Variants in CRYAA observed in about 807,000 individuals in gnomAD.
CRYAA encodes the protein crystallin alpha A.
In CRYAA, 2 loss-of-function variants were observed where a neutral mutation model predicts 3.5. The ratio of observed to expected loss-of-function variants is 0.57; its 90% CI spans 0.23 to 1.80. CRYAA has a LOEUF of 1.80. CRYAA is among the 40% of genes most tolerant of loss of function. The pLI, the probability that CRYAA is intolerant of heterozygous loss-of-function variation, is 0.18. For synonymous variants in CRYAA, 3 were observed against 26.7 expected (o/e 0.11, Z 2.73); for missense variants, 8 against 60.0 (o/e 0.13, Z 2.86).
intron 1 of CRYAA, chr21:43,169,642 C>T: frequency 2.3e-6 from 1 of 439,896 alleles, no homozygotes; most frequent in East Asian, 3.0e-5. Flanking sequence ...TTCCTCTGGT[C>T]TCCTGAGTCC....
chr21:43,169,632 T>C, intron 1 of CRYAA: 1 of 426,212 alleles, frequency 2.3e-6, no homozygotes, highest in South Asian at 2.0e-5. Flanking sequence ...AGCTCCCGGG[T>C]TCCTCTGGTC....
chr21:43,169,653 C>G, intron 1 of CRYAA: 1 of 456,420 alleles, frequency 2.2e-6, no homozygotes, highest in South Asian at 1.9e-5. Flanking sequence ...TCCTGAGTCC[C>G]GGAGACCTGG....
intron 1 of CRYAA, chr21:43,169,846 A>G: frequency 2.2e-6 from 1 of 447,000 alleles, no homozygotes; most frequent in Admixed American, 2.9e-5. Context: ...CTCCTCTCTG[A>G]GCCACGGGTG....
intron 1 of CRYAA, chr21:43,169,680 T>C: frequency 2.1e-6 from 1 of 484,188 alleles, no homozygotes; most frequent in East Asian, 2.9e-5. Context: ...GTGGGGGTCA[T>C]AGTCCTGAAA....
In CRYAA at chr21:43,169,537, T is replaced by G. The variant is rs118166081; in HGVS notation, c.189+249T>G. ...ACCTTTGCTTTCCTCCATCAGCTCA[T>G]GACCCATGTGTGCTTTGTAAGGCAC... is the stretch of plus-strand genomic sequence containing the variant. On this transcript the variant is annotated intron_variant, in intron 1 of 2. Coordinates refer to ENST00000291554, the MANE Select transcript of CRYAA (RefSeq NM_000394.4). 181 of 499,252 alleles carry G rather than the reference T, an allele frequency of 3.6e-4. 8 individuals carry two copies. The East Asian group carries it at 4.5e-3, about 13-fold the overall frequency. The allele number at this position is 499,252 out of a possible 1,614,324, so 30.9% of individuals were successfully genotyped here.
chr21:43,169,807 G>A, intron 1 of CRYAA: 1 of 534,382 alleles, frequency 1.9e-6, no homozygotes, highest in Non-Finnish European at 3.6e-6. Context: ...ACAGGCAATG[G>A]ACGCCCCCCC....
intron 1 of CRYAA, chr21:43,169,568 A>G (rs1317527304): frequency 2.2e-6 from 1 of 460,156 alleles, no homozygotes. Flanking sequence ...GGCACCAGCC[A>G]CATACTGGAA....
intron 1 of CRYAA, chr21:43,169,822 A>G: frequency 2.8e-6 from 1 of 356,598 alleles, no homozygotes; most frequent in Non-Finnish European, 5.5e-6. Flanking sequence ...CCCCCCCCCC[A>G]CCCAACCACA....
At chr21:43,169,825 C>A in intron 1 of CRYAA, 1 of 512,840 alleles carries the variant, frequency 1.9e-6, no homozygotes, top group South Asian at 1.6e-5. Context: ...CCCCCCCACC[C>A]AACCACAGGC....
In CRYAA at chr21:43,169,256, T is replaced by C. The variant is rs1985735707; in HGVS notation, c.157T>C (p.Phe53Leu). 3.7e-6 allele frequency: 3 copies of C among 813,538 alleles called. 1 individual carries two copies. Among genetic ancestry groups the C allele is most frequent in the Non-Finnish European group, 5.7e-6 (3 of 523,264 alleles). 50.4% of individuals were successfully genotyped at this position (813,538 alleles called of 1,614,324 possible). Residue 53 changes from phenylalanine (F) to leucine (L), a missense_variant, in exon 1 of 3, where the codon TTC becomes CTC. Physicochemically the swap from Phe to Leu is conservative, Grantham distance 22. Coordinates refer to ENST00000291554, the MANE Select transcript of CRYAA (RefSeq NM_000394.4). ...CAGCCCCTACTACCGCCAGTCCCTC[T>C]TCCGCACCGTGCTGGACTCCGGCAT... ...TISPYYRQSLFRTVLDSGISE... is the reference protein window; with the variant it reads ...TISPYYRQSLLRTVLDSGISE...
chr21:43,169,418 G>A, intron 1 of CRYAA, 130 bp downstream of exon 1: 3 of 593,340 alleles, frequency 5.1e-6, no homozygotes, highest in Non-Finnish European at 9.2e-6. Context: ...TCCCCTTGCA[G>A]AGGCTGGGCG....
At chr21:43,169,491 A>ATTCAGGCTGCTCCCTTGTCCACCCTCT in intron 1 of CRYAA, 2 of 565,768 alleles carry the variant, frequency 3.5e-6, no homozygotes, top group Non-Finnish European at 3.3e-6. Flanking sequence ...GAGAGGGTGG[A>ATTCAGGCTGCTCCCTTGTCCACCCTCT]CAAGGGAGCA....
chr21:43,169,583 C>G, intron 1 of CRYAA: 1 of 438,864 alleles, frequency 2.3e-6, no homozygotes, highest in Non-Finnish European at 4.4e-6. Context: ...CTGGAAACCC[C>G]AAGAGCAGCC....
chr21:43,170,069 T>C, intron 1 of CRYAA: 3 of 98,808 alleles, frequency 3.0e-5, no homozygotes, highest in South Asian at 9.3e-5. Context: ...GCCGCTTCTA[T>C]AGACAGCATG....
intron 1 of CRYAA, 123 bp downstream of exon 1, chr21:43,169,411 C>T (rs2051449089): frequency 1.7e-6 from 1 of 571,724 alleles, no homozygotes; most frequent in Non-Finnish European, 3.2e-6. Flanking sequence ...CACTTCATCC[C>T]CTTGCAGAGG....
Position 43,169,108 on chromosome 21 carries a change from G to A in CRYAA, c.9G>A (p.Val3=). The change falls in exon 1 of 3, where the codon GTG becomes GTA. Residue 3 remains valine (V), a synonymous_variant. Coordinates refer to ENST00000291554, the MANE Select transcript of CRYAA (RefSeq NM_000394.4). The stretch of plus-strand genomic sequence containing the variant: ...TGGTACCAAAGCTGAACATGGACGT[G>A]ACCATCCAGCACCCCTGGTTCAAGC... MD[V]TIQHPWFKRT... The A allele has an allele frequency of 9.6e-7, 1 of 1,041,844 alleles. No homozygotes were observed. Among genetic ancestry groups the A allele is most frequent in the Admixed American group, 2.3e-5 (1 of 43,472 alleles). The allele number at this position is 1,041,844 out of a possible 1,614,324, so 64.5% of individuals were successfully genotyped here.
At chr21:43,169,879 T>C (rs1342300249) in intron 1 of CRYAA, 2 of 405,118 alleles carry the variant, frequency 4.9e-6, no homozygotes, top group Non-Finnish European at 9.4e-6. Flanking sequence ...TCTGCTGTTC[T>C]GGAGGGCCTG....
intron 1 of CRYAA, chr21:43,170,022 T>G: frequency 4.0e-6 from 1 of 252,086 alleles, no homozygotes; most frequent in South Asian, 2.6e-5. Flanking sequence ...GAAGTGCGTT[T>G]TGGAGAGGCA....
Position 43,169,654 on chromosome 21 carries a change from G to A in CRYAA, c.189+366G>A, listed in dbSNP as rs1286050700. 7.2e-5 allele frequency: 33 copies of A among 455,738 alleles called. No homozygotes were observed. In the East Asian group the frequency reaches 8.8e-4, roughly 12 times the overall value. The allele number at this position is 455,738 out of a possible 1,614,324, so 28.2% of individuals were successfully genotyped here. On this transcript the variant is annotated intron_variant, in intron 1 of 2. Coordinates refer to ENST00000291554, the MANE Select transcript of CRYAA (RefSeq NM_000394.4). ...GGGTTCCTCTGGTCTCCTGAGTCCC[G>A]GAGACCTGGGAGCAGGTGGGGGTCA... is the stretch of plus-strand genomic sequence containing the variant.
Sources: gnomAD v4.1 joint callset for allele counts on GRCh38, gnomAD v4.1.1 for gene constraint, MANE v1.5 for transcripts, NCBI Gene and HGNC (gene_info 2026-07-23, HGNC 2026-07-21) for gene names.